DNAH2: variants seen among roughly 807,000 people sequenced by gnomAD.
DNAH2 encodes dynein axonemal heavy chain 2, also known as axonemal beta dynein heavy chain 2.
Under a neutral mutation model 523.5 loss-of-function variants are expected in DNAH2, and 323 were observed. The ratio of observed to expected loss-of-function variants is 0.62; its 90% CI spans 0.56 to 0.68. The LOEUF is 0.68. Among genes scored for constraint, DNAH2 ranks in the 30% least tolerant of loss-of-function variants. The pLI, the probability that DNAH2 is intolerant of heterozygous loss-of-function variation, is 0.00. For missense variants in DNAH2, 4,907 were observed against 5,701.5 expected (o/e 0.86, Z 4.49); for synonymous variants, 2,093 against 2,177.4 (o/e 0.96, Z 1.08).
rs1375447795 is a variant in DNAH2 at position 7,718,370 on chromosome 17, C to T, written c.-444C>T. The T allele has an allele frequency of 6.6e-6, 1 of 152,158 alleles. No individual in the cohort carries two copies. Among genetic ancestry groups the T allele is most frequent in the African/African-American group, 2.4e-5 (1 of 41,438 alleles). The allele number at this position is 152,158 out of a possible 1,614,324, so 9.4% of individuals were successfully genotyped here. ...TCCTTGGAGCAAAGTACAAATCCTTCAAGTTTGAAATTCATAACCTGAGAT... is the reference window on the plus strand; with the variant it reads ...TCCTTGGAGCAAAGTACAAATCCTTTAAGTTTGAAATTCATAACCTGAGAT... On this transcript the variant is annotated 5_prime_UTR_variant, in exon 1 of 86. Transcript: ENST00000572933.
intron 18 of DNAH2, 103 bp from the exon 19 acceptor site, chr17:7,763,728 C>T (rs2090218074): frequency 9.3e-6 from 13 of 1,399,230 alleles, no homozygotes; most frequent in South Asian, 5.1e-5. Context: ...AGAACTGCTG[C>T]CCAGGTTTGG....
At position 7,828,970 on chromosome 17, in the gene DNAH2, C is replaced by A. The variant is rs1329995273; in HGVS notation, c.11854-1330C>A. ...ATTGCTGTCCTACTCAAGATAGAGA[C>A]TGGCTCCATGATGCCCGGTGAATCA... On this transcript the variant is annotated intron_variant, in intron 77 of 85. Coordinates refer to ENST00000572933, the MANE Select transcript of DNAH2 (RefSeq NM_020877.5). The surrounding 1 kb of genome is among the most constrained non-coding windows in gnomAD (Gnocchi z 4.1). Among the ~76,000 whole-genome samples the A allele has an allele frequency of 2.0e-5, 3 of 151,418 alleles. No homozygotes were observed. Among genetic ancestry groups the A allele is most frequent in the African/African-American group, 4.9e-5 (2 of 40,752 alleles).
chr17:7,786,846 G>C lies in DNAH2; in HGVS notation c.6467-51G>C. 1 of 1,612,740 alleles carries C rather than the reference G, an allele frequency of 6.2e-7. No individual in the cohort carries two copies. The highest frequency in any genetic ancestry group is 8.5e-7 in the Non-Finnish European group (1 of 1,178,948). ...GTGTCTCCGAGGAGCGTGAGCGGAGGGTGCAAGGTGAGCGGCTCCCCGGTT... is the reference window on the plus strand; with the variant it reads ...GTGTCTCCGAGGAGCGTGAGCGGAGCGTGCAAGGTGAGCGGCTCCCCGGTT... On this transcript the variant is annotated intron_variant, in intron 41 of 85. Transcript: ENST00000572933. This position sits in a 1 kb window ranked among gnomAD's most constrained non-coding sequence, Gnocchi z 7.5.
chr17:7,831,878 A>C lies in DNAH2; in HGVS notation c.12726+103A>C. ...TAGGTGGGCATAAAGCAAACTGCAG[A>C]GAGCCGAAACTTTGAAGTTAGATAG... is the stretch of plus-strand genomic sequence containing the variant. On this transcript the variant is annotated intron_variant, in intron 82 of 85. Transcript: ENST00000572933. The surrounding 1 kb of genome is among the most constrained non-coding windows in gnomAD (Gnocchi z 4.2). 1 of 1,044,092 alleles carries C rather than the reference A, an allele frequency of 9.6e-7. No individual in the cohort carries two copies. Among genetic ancestry groups the C allele is most frequent in the Non-Finnish European group, 1.4e-6 (1 of 725,114 alleles). The allele number at this position is 1,044,092 out of a possible 1,614,324, so 64.7% of individuals were successfully genotyped here.
chr17:7,748,579 T>A (rs768756070), intron 12 of DNAH2, among the ~76,000 whole-genome samples: 1 of 152,228 alleles, frequency 6.6e-6, no homozygotes, highest in Non-Finnish European at 1.5e-5. Flanking sequence ...CACTGTAGCC[T>A]CCGCCTCCCG....
intron 11 of DNAH2, among the ~76,000 whole-genome samples, chr17:7,741,315 C>T (rs61161097): frequency 0.019 from 762 of 39,956 alleles, 51 homozygotes; most frequent in Middle Eastern, 0.069. Context: ...CCCTCCCTCC[C>T]TCCCTCCCTC....
chr17:7,816,113 G>A (rs1172366291), intron 63 of DNAH2, among the ~76,000 whole-genome samples: 4 of 152,060 alleles, frequency 2.6e-5, no homozygotes, highest in African/African-American at 4.8e-5. Flanking sequence ...TCTTTGTCTC[G>A]AATGGACTCT....
At chr17:7,791,736 G>T (rs1172273087) in intron 44 of DNAH2, among the ~76,000 whole-genome samples, 181 bp from the exon 45 acceptor site, 2 of 152,182 alleles carry the variant, frequency 1.3e-5, no homozygotes, top group Non-Finnish European at 2.9e-5. Flanking sequence ...GAAATTTCAG[G>T]TTTGTCTGTC....
chr17:7,812,901 A>T (rs986371629), intron 63 of DNAH2, among the ~76,000 whole-genome samples: 2 of 150,770 alleles, frequency 1.3e-5, no homozygotes, highest in East Asian at 3.9e-4. Context: ...TGAGAAGCTG[A>T]GACTGAATGA....
intron 11 of DNAH2, among the ~76,000 whole-genome samples, chr17:7,741,221 C>CTT (rs951327750): frequency 2.7e-5 from 4 of 146,788 alleles, no homozygotes; most frequent in Non-Finnish European, 3.0e-5. Context: ...TCCTTCCTTT[C>CTT]TTTTTTTTCT....
chr17:7,813,004 T>C (rs1045460003), intron 63 of DNAH2, among the ~76,000 whole-genome samples: 9 of 150,890 alleles, frequency 6.0e-5, no homozygotes, highest in African/African-American at 1.2e-4. Flanking sequence ...GTAAGACTAC[T>C]TGTATATGTA....
At chr17:7,792,372 G>A (rs2151273773) in intron 46 of DNAH2, 29 bp downstream of exon 46, 1 of 1,607,454 alleles carries the variant, frequency 6.2e-7, no homozygotes, top group Non-Finnish European at 8.5e-7. Flanking sequence ...TGTGAGGAGG[G>A]CATGGGGCAG....
At position 7,798,870 on chromosome 17, in the gene DNAH2, C is replaced by T; in HGVS notation, c.8559+152C>T. ...GCCCTGTAAGGTGGAAGGTCCCCTCCAGGGACCCTGGGCAGAGCTGCTTTA... is the reference window on the plus strand; with the variant it reads ...GCCCTGTAAGGTGGAAGGTCCCCTCTAGGGACCCTGGGCAGAGCTGCTTTA... On this transcript the variant is annotated intron_variant, in intron 55 of 85. Transcript: ENST00000572933. This position sits in a 1 kb window ranked among gnomAD's most constrained non-coding sequence, Gnocchi z 5.5. 7.9e-7 allele frequency: 1 copy of T among 1,263,458 alleles called. No individual in the cohort carries two copies. The highest frequency in any genetic ancestry group is 1.1e-6 in the Non-Finnish European group (1 of 917,856). The allele number at this position is 1,263,458 out of a possible 1,614,324, so 78.3% of individuals were successfully genotyped here. A position where few individuals can be genotyped will look rare whatever the true frequency, so the allele number is the denominator to read the frequency against.
At chr17:7,720,793 CCTT>C (rs1484775763) in intron 2 of DNAH2, among the ~76,000 whole-genome samples, 4 of 151,998 alleles carry the variant, frequency 2.6e-5, no homozygotes, top group South Asian at 2.1e-4. Flanking sequence ...CAGAATGTAT[CCTT>C]CTGAGTTCTG....
At chr17:7,748,771 C>A (rs1348526434) in intron 12 of DNAH2, among the ~76,000 whole-genome samples, 1 of 151,396 alleles carries the variant, frequency 6.6e-6, no homozygotes, top group Non-Finnish European at 1.5e-5. Flanking sequence ...GTTGGGATTA[C>A]AGGCCTAAGC....
At chr17:7,757,585 C>T (rs949725533) in intron 13 of DNAH2, among the ~76,000 whole-genome samples, 3 of 152,106 alleles carry the variant, frequency 2.0e-5, no homozygotes, top group South Asian at 2.1e-4. Context: ...GAACTAAGGC[C>T]CTGCTGCCCC....
At chr17:7,784,716 C>T (rs1281014327) in intron 39 of DNAH2, among the ~76,000 whole-genome samples, 1 of 152,166 alleles carries the variant, frequency 6.6e-6, no homozygotes, top group South Asian at 2.1e-4. Flanking sequence ...ACAGTGATAA[C>T]TCTACTGCTA....
rs542393259 is a variant in DNAH2 at position 7,788,019 on chromosome 17, G to C, written c.6741+22G>C. The C allele has an allele frequency of 2.5e-6, 4 of 1,613,628 alleles. No individual in the cohort carries two copies. In the African/African-American group the frequency reaches 5.3e-5, roughly 22 times the overall value. On this transcript the variant is annotated intron_variant, in intron 43 of 85. Transcript: ENST00000572933. ...AAAGGTATGAAGGGAACTGAGGAGA[G>C]GGAAAGTAACCAGGGTGGCTCCAGG...
Position 7,817,195 on chromosome 17 carries a change from T to C in DNAH2, c.9895-95T>C, listed in dbSNP as rs73232384. ...GGGAGGGAAAGATCCTCTTTGAACC[T>C]GACAGTGTCCAGAAGAGGGTGCCTT... On this transcript the variant is annotated intron_variant, in intron 64 of 85. Transcript: ENST00000572933. 2,171 of 1,484,824 alleles carry C rather than the reference T, an allele frequency of 1.5e-3. 31 individuals carry two copies. In the African/African-American group the frequency reaches 0.027, roughly 19 times the overall value. The allele number at this position is 1,484,824 out of a possible 1,614,324, so 92.0% of individuals were successfully genotyped here.
Sources: gnomAD v4.1 joint callset for allele counts (sites outside exome capture counted in the v4.1 genomes callset) on GRCh38, gnomAD v4.1.1 for gene constraint, Gnocchi (gnomAD v3.1) non-coding constraint, MANE v1.5 for transcripts, NCBI Gene and HGNC (gene_info 2026-07-23, HGNC 2026-07-21) for gene names.